Variants in SYT14 observed in about 807,000 individuals in gnomAD.
SYT14 encodes synaptotagmin-14.
A neutral mutation model predicts 74.2 loss-of-function variants in SYT14; 32 were observed. The ratio of observed to expected loss-of-function variants is 0.43; its 90% CI spans 0.33 to 0.58. SYT14 has a LOEUF of 0.58. SYT14 is among the 20% of genes least tolerant of loss of function. The pLI is 0.05. For synonymous variants in SYT14, 298 were observed against 337.7 expected (o/e 0.88, Z 1.29); for missense variants, 791 against 981.8 (o/e 0.81, Z 2.60).
intron 2 of SYT14, among the ~76,000 whole-genome samples, chr1:209,974,419 T>C (rs2079318158): frequency 1.3e-5 from 2 of 152,232 alleles, no homozygotes; most frequent in Non-Finnish European, 2.9e-5. Flanking sequence ...CAGTTTCAGC[T>C]TTCTACATAT....
chr1:210,137,691 T>C (rs946446099), intron 7 of SYT14, among the ~76,000 whole-genome samples: 2 of 150,622 alleles, frequency 1.3e-5, no homozygotes, highest in African/African-American at 4.8e-5. Context: ...CTTTTTTTTT[T>C]TTTTTTGAAA....
At chr1:210,004,980 G>A (rs1206152779) in intron 2 of SYT14, among the ~76,000 whole-genome samples, 1 of 151,992 alleles carries the variant, frequency 6.6e-6, no homozygotes. Context: ...TCAGGTGGGA[G>A]CACAGTATGA....
intron 2 of SYT14, among the ~76,000 whole-genome samples, chr1:209,968,726 C>CT (rs34548472): frequency 0.051 from 6,965 of 137,146 alleles, 285 homozygotes; most frequent in African/African-American, 0.12. Context: ...TAGCTCATTT[C>CT]TTTTTTTTTT....
At chr1:210,159,139 A>G (rs944682108) in intron 8 of SYT14, among the ~76,000 whole-genome samples, 1 of 152,100 alleles carries the variant, frequency 6.6e-6, no homozygotes, top group Non-Finnish European at 1.5e-5. Context: ...TCTATGTTCA[A>G]TGTGCTTTAG....
chr1:210,047,984 G>GT (rs1278124944), intron 5 of SYT14, among the ~76,000 whole-genome samples: 6 of 152,252 alleles, frequency 3.9e-5, no homozygotes, highest in African/African-American at 1.4e-4. Flanking sequence ...TTTAAGTGGT[G>GT]TGGTGTCCAC....
chr1:210,076,020 A>G (rs537040617), intron 5 of SYT14, among the ~76,000 whole-genome samples: 1 of 152,278 alleles, frequency 6.6e-6, no homozygotes, highest in East Asian at 1.9e-4. Flanking sequence ...GCAGCATTCT[A>G]TCTTACTGGT....
At chr1:209,967,143 C>G (rs1572081541) in intron 2 of SYT14, among the ~76,000 whole-genome samples, 1 of 152,158 alleles carries the variant, frequency 6.6e-6, no homozygotes, top group East Asian at 1.9e-4. Context: ...TTAAACCAAC[C>G]TTACATTTAT....
chr1:210,117,860 T>A (rs1002721412), intron 7 of SYT14, among the ~76,000 whole-genome samples: 2 of 152,186 alleles, frequency 1.3e-5, no homozygotes, highest in African/African-American at 4.8e-5. Context: ...TTTCAATATG[T>A]AAAACTGCTT....
chr1:210,146,802 A>G (rs1371530528), intron 7 of SYT14, among the ~76,000 whole-genome samples: 1 of 151,218 alleles, frequency 6.6e-6, no homozygotes, highest in East Asian at 1.9e-4. Context: ...TGTATGTAAT[A>G]TATACTACAT....
Position 209,989,943 on chromosome 1 carries a change from C to T in SYT14, c.-485-23690C>T, listed in dbSNP as rs916225645. Among the ~76,000 whole-genome samples, 4 of 151,932 alleles carry T rather than the reference C, an allele frequency of 2.6e-5. No individual in the cohort carries two copies. The South Asian group carries it at 8.3e-4, about 32-fold the overall frequency. ...TTTTAAAATTCAGCTATATATTGGT[C>T]TGACTTTTCATCACGTTTAAAGCCA... On this transcript the variant is annotated intron_variant, in intron 2 of 9. Coordinates refer to ENST00000637265, the Ensembl canonical transcript of SYT14.
At chr1:209,997,189 T>C (rs1310607640) in intron 2 of SYT14, among the ~76,000 whole-genome samples, 1 of 152,144 alleles carries the variant, frequency 6.6e-6, no homozygotes, top group Non-Finnish European at 1.5e-5. Flanking sequence ...TGGCTTCTTT[T>C]TGCTGACGAT....
At chr1:210,016,943 G>T (rs1342832834) in exon 4 of SYT14, 4 of 1,231,620 alleles carry the variant, frequency 3.2e-6, no homozygotes, top group Non-Finnish European at 4.0e-6. Context: ...TAATTCTAAA[G>T]ATAAGTTATC....
At chr1:209,976,816 C>T (rs1012053076) in intron 2 of SYT14, among the ~76,000 whole-genome samples, 1 of 152,092 alleles carries the variant, frequency 6.6e-6, no homozygotes, top group Admixed American at 6.6e-5. Context: ...GTTAAAGTCT[C>T]CCATTATTAT....
chr1:210,009,484 C>T (rs1198007245), intron 2 of SYT14, among the ~76,000 whole-genome samples: 2 of 151,588 alleles, frequency 1.3e-5, no homozygotes, highest in East Asian at 3.9e-4. Flanking sequence ...CATATTTCAC[C>T]TTTTCCTAGT....
At chr1:209,942,996 T>G (rs2078760653) in intron 1 of SYT14, among the ~76,000 whole-genome samples, 1 of 152,178 alleles carries the variant, frequency 6.6e-6, no homozygotes, top group Non-Finnish European at 1.5e-5. Context: ...TATTGTATTT[T>G]TAAAATAATG....
At chr1:210,094,670 GA>G (rs2081938088) in intron 6 of SYT14, 77 bp downstream of exon 5, 1 of 1,499,736 alleles carries the variant, frequency 6.7e-7, no homozygotes, top group Non-Finnish European at 9.2e-7. Context: ...CTCTTGGTAA[GA>G]AGAATTGATT....
At chr1:210,150,857 A>G (rs930541676) in intron 7 of SYT14, among the ~76,000 whole-genome samples, 3 of 152,182 alleles carry the variant, frequency 2.0e-5, no homozygotes, top group Non-Finnish European at 4.4e-5. Context: ...AAAGCCCAGT[A>G]TGTTAATAGG....
At chr1:209,981,717 A>G (rs1483010807) in intron 2 of SYT14, among the ~76,000 whole-genome samples, 1 of 151,938 alleles carries the variant, frequency 6.6e-6, no homozygotes, top group East Asian at 1.9e-4. Context: ...CAGCCTCTCA[A>G]AGTGTTGGGA....
intron 5 of SYT14, among the ~76,000 whole-genome samples, chr1:210,070,837 A>T (rs2081379299): frequency 6.6e-6 from 1 of 151,898 alleles, no homozygotes; most frequent in African/African-American, 2.4e-5. Flanking sequence ...AGTAGCAGTC[A>T]TGAGAGAAGC....
Sources: gnomAD v4.1 joint callset for allele counts (sites outside exome capture counted in the v4.1 genomes callset) on GRCh38, gnomAD v4.1.1 for gene constraint, MANE v1.5 for transcripts, NCBI Gene and HGNC (gene_info 2026-07-23, HGNC 2026-07-21) for gene names.